Variants in IL1RAPL2 observed in about 807,000 individuals in gnomAD.
IL1RAPL2 encodes interleukin 1 receptor accessory protein like 2.
Under a neutral mutation model 44.1 loss-of-function variants are expected in IL1RAPL2, and 3 were observed. That is an observed-to-expected ratio of 0.07 (90% CI 0.03 to 0.18). The LOEUF (loss-of-function observed/expected upper bound fraction) is 0.18, where lower values mean the gene tolerates loss of function less well. Among genes scored for constraint, IL1RAPL2 ranks in the 10% least tolerant of loss-of-function variants. The pLI, the probability that IL1RAPL2 is intolerant of heterozygous loss-of-function variation, is 1.00. For missense variants in IL1RAPL2, 391 were observed against 496.4 expected (o/e 0.79, Z 2.02); for synonymous variants, 181 against 178.8 (o/e 1.01, Z -0.10).
At chrX:104,756,471 C>T (rs1359708086) in intron 2 of IL1RAPL2, among the ~76,000 whole-genome samples, 2 of 111,011 alleles carry the variant, frequency 1.8e-5, no homozygotes, top group African/African-American at 6.5e-5. Context: ...GGCCTAGTCC[C>T]AGCAAATGCC....
intron 2 of IL1RAPL2, among the ~76,000 whole-genome samples, chrX:105,043,602 A>G (rs747046759): frequency 1.5e-4 from 17 of 110,274 alleles, no homozygotes; most frequent in African/African-American, 5.3e-4. Flanking sequence ...CTTTGACATA[A>G]TAATCCAAAC....
At chrX:105,144,094 GGTGTGTGTGTGTGTGTGT>G (rs762069943) in intron 2 of IL1RAPL2, among the ~76,000 whole-genome samples, 31 of 79,559 alleles carry the variant, frequency 3.9e-4, no homozygotes, top group East Asian at 9.0e-4. Context: ...TCAACAGATG[GGTGTGTGTGTGTGTGTGT>G]GTGTGTGTGT....
intron 2 of IL1RAPL2, among the ~76,000 whole-genome samples, chrX:104,914,673 G>A (rs985098812): frequency 7.3e-5 from 8 of 110,342 alleles, no homozygotes; most frequent in Non-Finnish European, 1.1e-4. Context: ...CCATTAAGTC[G>A]TCATTTAGCA....
At chrX:105,036,334 G>T (rs2031628232) in intron 2 of IL1RAPL2, among the ~76,000 whole-genome samples, 1 of 111,512 alleles carries the variant, frequency 9.0e-6, no homozygotes, top group South Asian at 3.7e-4. Context: ...AGATCATACA[G>T]CTAGTTAATA....
At chrX:105,041,306 T>G (rs1474776015) in intron 2 of IL1RAPL2, among the ~76,000 whole-genome samples, 1 of 110,977 alleles carries the variant, frequency 9.0e-6, no homozygotes, top group Non-Finnish European at 1.9e-5. Flanking sequence ...CAACTATGTG[T>G]TCAATTTTGG....
At chrX:105,465,816 G>T (rs915422418) in intron 5 of IL1RAPL2, among the ~76,000 whole-genome samples, 3 of 111,645 alleles carry the variant, frequency 2.7e-5, no homozygotes, top group African/African-American at 9.7e-5. Flanking sequence ...TTCTCTCTTT[G>T]TTCAAGGACA....
At chrX:105,448,433 T>C (rs149084486) in intron 5 of IL1RAPL2, among the ~76,000 whole-genome samples, 4,036 of 109,260 alleles carry the variant, frequency 0.037, 216 homozygotes, top group African/African-American at 0.13. Flanking sequence ...GGTGCAATCT[T>C]GCCTTACTGC....
chrX:105,469,590 T>C (rs923363604), intron 5 of IL1RAPL2, among the ~76,000 whole-genome samples: 1 of 110,190 alleles, frequency 9.1e-6, no homozygotes. Flanking sequence ...AGGGAACTCA[T>C]GTATTAGGTA....
At chrX:104,950,342 G>T (rs908969050) in intron 2 of IL1RAPL2, among the ~76,000 whole-genome samples, 1 of 112,239 alleles carries the variant, frequency 8.9e-6, no homozygotes, top group Non-Finnish European at 1.9e-5. Flanking sequence ...CTCCAGCTGC[G>T]TGCTGGGAGA....
At chrX:104,686,384 C>T (rs1196060610) in intron 2 of IL1RAPL2, among the ~76,000 whole-genome samples, 1 of 112,057 alleles carries the variant, frequency 8.9e-6, no homozygotes, top group Non-Finnish European at 1.9e-5. Flanking sequence ...GTAAGTAGCG[C>T]ATAACTTGAA....
chrX:104,730,746 G>A (rs1931896570), intron 2 of IL1RAPL2, among the ~76,000 whole-genome samples: 1 of 109,040 alleles, frequency 9.2e-6, no homozygotes, highest in African/African-American at 3.3e-5. Flanking sequence ...CCAGTAATGG[G>A]ATGGCTGGGT....
chrX:105,201,761 G>T (rs782631358), intron 3 of IL1RAPL2, among the ~76,000 whole-genome samples: 1 of 111,665 alleles, frequency 9.0e-6, no homozygotes, highest in African/African-American at 3.3e-5. Flanking sequence ...CTATTGATCC[G>T]TGAAAAGTTA....
At chrX:105,360,766 GAT>G (rs1273067178) in intron 5 of IL1RAPL2, among the ~76,000 whole-genome samples, 1 of 111,192 alleles carries the variant, frequency 9.0e-6, no homozygotes, top group East Asian at 2.8e-4. Flanking sequence ...TCCAATTAAT[GAT>G]ATGTTATTAT....
chrX:105,241,921 T>C (rs2034174016), intron 4 of IL1RAPL2, among the ~76,000 whole-genome samples: 1 of 112,314 alleles, frequency 8.9e-6, no homozygotes, highest in South Asian at 3.7e-4. Flanking sequence ...TCCTCACACA[T>C]TTTGCATGTA....
chrX:104,757,555 A>C (rs1465025591), intron 2 of IL1RAPL2, among the ~76,000 whole-genome samples: 2 of 111,716 alleles, frequency 1.8e-5, no homozygotes, highest in African/African-American at 6.5e-5. Flanking sequence ...ATATAGACAA[A>C]AGGAAGATGT....
At position 104,947,002 on chromosome X, in the gene IL1RAPL2, C is replaced by G. The variant is rs1350255363; in HGVS notation, c.83-248473C>G. Among the ~76,000 whole-genome samples, 4 of 102,362 alleles carry G rather than the reference C, an allele frequency of 3.9e-5. No individual in the cohort carries two copies. The East Asian group carries it at 1.3e-3, about 32-fold the overall frequency. The allele number at this position is 102,362 out of a possible 115,157, so 88.9% of individuals were successfully genotyped here. A position where few individuals can be genotyped will look rare whatever the true frequency, so the allele number is the denominator to read the frequency against. ...TGAGGAATCGCCACACTGACTTCCACAATGGTTGAACTAGTTTACAGTCCC... is the reference window on the plus strand; with the variant it reads ...TGAGGAATCGCCACACTGACTTCCAGAATGGTTGAACTAGTTTACAGTCCC... On this transcript the variant is annotated intron_variant, in intron 2 of 10. Transcript: ENST00000372582.
At position 105,298,020 on chromosome X, in the gene IL1RAPL2, T is replaced by C. The variant is rs187597914; in HGVS notation, c.697+30479T>C. Among the ~76,000 whole-genome samples the C allele has an allele frequency of 1.3e-3, 145 of 111,174 alleles. 1 individual carries two copies. The highest frequency in any genetic ancestry group is 4.5e-3 in the African/African-American group (138 of 30,624). On this transcript the variant is annotated intron_variant, in intron 5 of 10. Coordinates refer to ENST00000372582, the MANE Select transcript of IL1RAPL2 (RefSeq NM_017416.2). ...ACAAAACTTGTATGTATTTTTGGTA[T>C]AAACATGTTTATATATATGTGTGTG...
At chrX:105,055,206 T>A (rs988895284) in intron 2 of IL1RAPL2, among the ~76,000 whole-genome samples, 2 of 111,756 alleles carry the variant, frequency 1.8e-5, no homozygotes, top group Non-Finnish European at 3.8e-5. Flanking sequence ...TAGACAGTGG[T>A]CTTCTTGCTG....
chrX:105,718,848 G>A (rs2038278812), intron 7 of IL1RAPL2, among the ~76,000 whole-genome samples: 1 of 111,322 alleles, frequency 9.0e-6, no homozygotes, highest in South Asian at 3.8e-4. Flanking sequence ...CTTGCTACTT[G>A]GGAGGCTGAG....
Sources: allele counts gnomAD v4.1 joint callset (sites outside exome capture counted in the v4.1 genomes callset), GRCh38; gene constraint gnomAD v4.1.1; transcripts MANE v1.5; gene names NCBI Gene and HGNC (gene_info 2026-07-23, HGNC 2026-07-21).